Variants in ANTXRL observed in about 807,000 individuals in gnomAD.
ANTXRL encodes ANTXR like.
In ANTXRL, 63 loss-of-function variants were observed where a neutral mutation model predicts 75.4. The observed-to-expected ratio is 0.84, with a 90% CI of 0.68 to 1.03. The LOEUF is 1.03. Ranked by LOEUF, ANTXRL falls within the 50% of genes least tolerant of loss-of-function variation. The pLI is 0.00. For missense variants in ANTXRL, 797 were observed against 789.4 expected, an observed-to-expected ratio of 1.01 and a Z score of -0.12; for synonymous variants, 335 against 291.3, an observed-to-expected ratio of 1.15 and a Z score of -1.53.
At chr10:46,302,245 G>A (rs1317971796) in intron 9 of ANTXRL, among the ~76,000 whole-genome samples, 3 of 152,252 alleles carry the variant, frequency 2.0e-5, no homozygotes, top group Non-Finnish European at 4.4e-5. Flanking sequence ...GAGAGACCTC[G>A]AATGTTCAGC....
chr10:46,292,452 T>C (rs1837032865), intron 2 of ANTXRL, among the ~76,000 whole-genome samples: 1 of 152,044 alleles, frequency 6.6e-6, no homozygotes, highest in Admixed American at 6.5e-5. Context: ...TGCTGAGGGT[T>C]CAAGTAGGGG....
intron 1 of ANTXRL, among the ~76,000 whole-genome samples, chr10:46,289,785 C>G (rs1836908085): frequency 6.6e-6 from 1 of 152,090 alleles, no homozygotes; most frequent in Non-Finnish European, 1.5e-5. Context: ...CAATAACTCC[C>G]CATTCCTCCC....
intron 2 of ANTXRL, among the ~76,000 whole-genome samples, chr10:46,292,495 AC>A (rs2132647873): frequency 6.6e-6 from 1 of 152,278 alleles, no homozygotes; most frequent in East Asian, 1.9e-4. Flanking sequence ...AAAGGAAAAA[AC>A]AGGAACTCCT....
chr10:46,320,197 T>G (rs1412966164), intron 16 of ANTXRL, among the ~76,000 whole-genome samples: 2 of 152,168 alleles, frequency 1.3e-5, no homozygotes, highest in East Asian at 3.8e-4. Flanking sequence ...AGAAGCTAGT[T>G]TCTACTGAGT....
At chr10:46,297,723 C>T in intron 7 of ANTXRL, 108 bp from the exon 8 acceptor site, 1 of 1,052,564 alleles carries the variant, frequency 9.5e-7, no homozygotes, top group Non-Finnish European at 1.4e-6. Flanking sequence ...CAGAGCCTGA[C>T]ATTCTGCTGC....
intron 15 of ANTXRL, 135 bp from the exon 16 acceptor site, chr10:46,313,101 C>A: frequency 1.3e-6 from 1 of 798,134 alleles, no homozygotes; most frequent in Non-Finnish European, 2.1e-6. Context: ...TGCCAGGCCC[C>A]TCCCCCAGAG....
chr10:46,314,021 G>A (rs1477977863), intron 16 of ANTXRL, among the ~76,000 whole-genome samples: 2 of 152,174 alleles, frequency 1.3e-5, no homozygotes, highest in South Asian at 2.1e-4. Flanking sequence ...TCATCTGCCT[G>A]TGCCTCCCAC....
Position 46,295,962 on chromosome 10 carries a change from C to A in ANTXRL, c.393-57C>A. 2.1e-6 allele frequency: 3 copies of A among 1,422,098 alleles called. No homozygotes were observed. In the South Asian group the frequency reaches 3.7e-5, roughly 17 times the overall value. The allele number at this position is 1,422,098 out of a possible 1,614,324, so 88.1% of individuals were successfully genotyped here. The stretch of plus-strand genomic sequence containing the variant: ...CAGTGGCTCCCGGAGAGCTTGGGAG[C>A]TGATTTTTAACAGTCAATGTCTTTC... On this transcript the variant is annotated intron_variant, in intron 3 of 16. Coordinates refer to ENST00000620264, the MANE Select transcript of ANTXRL (RefSeq NM_001278688.3).
chr10:46,297,620 C>A, intron 7 of ANTXRL, 146 bp downstream of exon 7: 1 of 911,320 alleles, frequency 1.1e-6, no homozygotes, highest in Non-Finnish European at 1.7e-6. Context: ...TGATTGACAG[C>A]ATGTTGTATA....
chr10:46,326,862 A>G (rs191316603), intron 16 of ANTXRL, among the ~76,000 whole-genome samples: 2 of 151,730 alleles, frequency 1.3e-5, no homozygotes, highest in East Asian at 3.9e-4. Flanking sequence ...AAGCCCATAG[A>G]CTCTCTGGTC....
chr10:46,307,556 G>A, intron 12 of ANTXRL, 76 bp downstream of exon 12: 1 of 1,359,300 alleles, frequency 7.4e-7, no homozygotes, highest in Non-Finnish European at 1.0e-6. Flanking sequence ...CACAGAAAAG[G>A]CAGACCGTTC....
intron 9 of ANTXRL, among the ~76,000 whole-genome samples, chr10:46,300,453 G>A (rs1387039934): frequency 3.9e-5 from 6 of 152,076 alleles, no homozygotes; most frequent in Admixed American, 6.5e-5. Flanking sequence ...TGGCCTCACC[G>A]CTCAAGGCCC....
rs782030653 is a variant in ANTXRL at position 46,293,390 on chromosome 10, CTGTG to C, written c.321-432_321-429del. 9.0e-3 allele frequency among the ~76,000 whole-genome samples: 916 copies of C among 101,454 alleles called. 4 individuals carry two copies. Among genetic ancestry groups the C allele is most frequent in the South Asian group, 0.014 (42 of 3,038 alleles). 66.6% of individuals were successfully genotyped at this position (101,454 alleles called of 152,430 possible). On this transcript the variant is annotated intron_variant, in intron 2 of 16. Coordinates refer to ENST00000620264, the MANE Select transcript of ANTXRL (RefSeq NM_001278688.3). ...AGTGTGCCTGTGTGTGAGTGTGTGC[CTGTG>C]TGTGTGAGTGTGTGCCTGTGTGTGG...
chr10:46,296,217 A>T lies in ANTXRL; in HGVS notation c.475-2A>T, dbSNP rs782544998. 9.1e-6 allele frequency: 14 copies of T among 1,535,744 alleles called. No individual in the cohort carries two copies. The highest frequency in any genetic ancestry group is 1.1e-5 in the Non-Finnish European group (13 of 1,146,752). On this transcript the variant is annotated splice_acceptor_variant, in intron 4 of 16. Transcript: ENST00000620264. LOFTEE classifies it high-confidence loss of function. ...GCTCAATATTTCTTCATTTTCTTGC[A>T]GGCAATTCAACAGATCGAAAGTTTC...
intron 9 of ANTXRL, among the ~76,000 whole-genome samples, chr10:46,301,175 C>G (rs782385490): frequency 6.6e-6 from 1 of 152,236 alleles, no homozygotes; most frequent in Non-Finnish European, 1.5e-5. Context: ...CCCAGTTGCT[C>G]CCTCCCGGGC....
chr10:46,300,928 T>A (rs4074634), intron 9 of ANTXRL, among the ~76,000 whole-genome samples: 1 of 151,686 alleles, frequency 6.6e-6, no homozygotes, highest in Non-Finnish European at 1.5e-5. Flanking sequence ...CACAAACACA[T>A]CTCTATCCAC....
rs75175847 is a variant in ANTXRL at position 46,318,668 on chromosome 10, A to G, written c.1410+5352A>G. Among the ~76,000 whole-genome samples the G allele has an allele frequency of 1.5e-3, 233 of 152,294 alleles. 3 individuals are homozygous for G. In the East Asian group the frequency reaches 0.041, roughly 27 times the overall value. On this transcript the variant is annotated intron_variant, in intron 16 of 16. Transcript: ENST00000620264. The stretch of plus-strand genomic sequence containing the variant: ...TGGCCCCAAATCGAGCAAACAATAA[A>G]TAGAGTATATAATTGTGGTGATAGC...
intron 16 of ANTXRL, among the ~76,000 whole-genome samples, chr10:46,321,048 C>G (rs1838955115): frequency 6.6e-6 from 1 of 152,132 alleles, no homozygotes; most frequent in Admixed American, 6.5e-5. Context: ...AAGAAAGTAG[C>G]AATTATGTTT....
intron 16 of ANTXRL, among the ~76,000 whole-genome samples, chr10:46,314,859 A>T (rs550043221): frequency 2.6e-5 from 4 of 152,252 alleles, no homozygotes; most frequent in African/African-American, 9.6e-5. Context: ...AGGCTATCAG[A>T]AATCAACCCC....
Sources: gnomAD v4.1 joint callset for allele counts (sites outside exome capture counted in the v4.1 genomes callset) on GRCh38, gnomAD v4.1.1 for gene constraint, MANE v1.5 for transcripts, NCBI Gene and HGNC (gene_info 2026-07-23, HGNC 2026-07-21) for gene names.